Variants in TMEM253 observed in about 807,000 individuals in gnomAD.
TMEM253 encodes transmembrane protein C14orf176.
TMEM253 carries 22 observed loss-of-function variants against 20.3 expected under a neutral mutation model. That is an observed-to-expected ratio of 1.08 (90% CI 0.78 to 1.55). The LOEUF is 1.55. Ranked by LOEUF, TMEM253 falls within the 40% of genes most tolerant of loss-of-function variation. The pLI, the probability that TMEM253 is intolerant of heterozygous loss-of-function variation, is 0.00. For synonymous variants in TMEM253, 92 were observed against 102.6 expected (o/e 0.90, Z 0.62); for missense variants, 251 against 266.1 (o/e 0.94, Z 0.39).
At chr14:21,103,002 C>A (rs1889743550) in intron 6 of TMEM253, 137 bp from the exon 7 acceptor site, 1 of 1,443,926 alleles carries the variant, frequency 6.9e-7, no homozygotes, top group Non-Finnish European at 9.4e-7. Context: ...AGTGGGAAAG[C>A]ATTAGGAAGC....
exon 7 of TMEM253, chr14:21,103,273 G>A (rs1302806887): frequency 6.5e-7 from 1 of 1,548,898 alleles, no homozygotes; most frequent in Non-Finnish European, 8.7e-7. Flanking sequence ...ATGCTCTCCA[G>A]ACATTCCTGC....
exon 2 of TMEM253, chr14:21,101,386 C>G: frequency 1.3e-6 from 2 of 1,551,676 alleles, no homozygotes; most frequent in Non-Finnish European, 1.7e-6. Context: ...GAGACACAGC[C>G]TTCGTCTGGA....
Position 21,101,368 on chromosome 14 carries a change from G to C in TMEM253, c.25G>C (p.Glu9Gln), listed in dbSNP as rs558483700. 6.1e-5 allele frequency: 95 copies of C among 1,551,650 alleles called. 1 individual carries two copies. The African/African-American group carries it at 1.2e-3, about 19-fold the overall frequency. ...CATGGAAGATAGAGCTGGTGAGCAAGAGCAGGAGAGACACAGCCTTCGTCT... is the reference window on the plus strand; with the variant it reads ...CATGGAAGATAGAGCTGGTGAGCAACAGCAGGAGAGACACAGCCTTCGTCT... Residue 9 changes from glutamate (E) to glutamine (Q), a missense_variant, in exon 2 of 7, where the codon GAG becomes CAG. Glu to Gln is a conservative substitution (Grantham distance 29). Transcript: ENST00000556585.
exon 7 of TMEM253, chr14:21,103,395 T>C: frequency 7.4e-7 from 1 of 1,352,776 alleles, no homozygotes; most frequent in Non-Finnish European, 9.8e-7. Context: ...TCCTTCCCTG[T>C]TAGGGGAAGA....
chr14:21,101,451 G>A (rs999759584), exon 2 of TMEM253: 51 of 1,550,992 alleles, frequency 3.3e-5, no homozygotes, highest in Admixed American at 1.4e-4. Flanking sequence ...TGGTGCTAGC[G>A]GTGAGGCCAG....
upstream of TMEM253, among the ~76,000 whole-genome samples, chr14:21,100,759 G>A (rs560502690): frequency 6.6e-6 from 1 of 152,268 alleles, no homozygotes; most frequent in South Asian, 2.1e-4. Context: ...AGTAATGACA[G>A]GGGACCAATC....
At chr14:21,100,517 C>T (rs1377820014), upstream of TMEM253, among the ~76,000 whole-genome samples, 1 of 147,014 alleles carries the variant, frequency 6.8e-6, no homozygotes, top group Non-Finnish European at 1.5e-5. Flanking sequence ...CCAAGACTCA[C>T]TATTTGAGGA....
chr14:21,101,056 A>C, upstream of TMEM253: 1 of 310,870 alleles, frequency 3.2e-6, no homozygotes, highest in Non-Finnish European at 6.2e-6. Context: ...CCTTTGCCCC[A>C]CCACACCCCA....
At chr14:21,103,368 G>A in exon 7 of TMEM253, 1 of 1,448,424 alleles carries the variant, frequency 6.9e-7, no homozygotes, top group Non-Finnish European at 9.1e-7. Context: ...TTCACTCAAA[G>A]CAGGCCCTTT....
intron 6 of TMEM253, 73 bp from the exon 7 acceptor site, chr14:21,103,066 A>C: frequency 6.5e-7 from 1 of 1,549,154 alleles, no homozygotes; most frequent in Non-Finnish European, 8.7e-7. Context: ...GGGCAGGAGG[A>C]AGCAGTTGTT....
chr14:21,102,676 C>T (rs1443535625), exon 6 of TMEM253: 2 of 1,551,584 alleles, frequency 1.3e-6, no homozygotes, highest in South Asian at 2.4e-5. Context: ...GAGGCCTTCA[C>T]CCTAGGGGGA....
chr14:21,101,818 G>T, intron 2 of TMEM253, 47 bp from the exon 3 acceptor site: 1 of 1,455,882 alleles, frequency 6.9e-7, no homozygotes, highest in Non-Finnish European at 9.4e-7. Context: ...CGAGAAGGGA[G>T]GGAATCCCTG....
In TMEM253 at chr14:21,101,560, C is replaced by T. The variant is rs139486004; in HGVS notation, c.108+109C>T. 9.2e-5 allele frequency: 97 copies of T among 1,052,616 alleles called. No individual in the cohort carries two copies. In the East Asian group the frequency reaches 2.5e-3, roughly 27 times the overall value. 65.2% of individuals were successfully genotyped at this position (1,052,616 alleles called of 1,614,324 possible). On this transcript the variant is annotated intron_variant, in intron 2 of 6. Coordinates refer to ENST00000556585, the Ensembl canonical transcript of TMEM253. ...GTGAGCACCTACCATGTGCCAGAAA[C>T]TGAGCTAGGTTCTGAATGGGAGGAG...
chr14:21,101,538 A>C, intron 2 of TMEM253, 87 bp downstream of exon 2: 1 of 1,248,506 alleles, frequency 8.0e-7, no homozygotes, highest in Non-Finnish European at 1.1e-6. Flanking sequence ...ATGTTAAGTG[A>C]GCACCTACCA....
upstream of TMEM253, among the ~76,000 whole-genome samples, chr14:21,100,301 G>C (rs1486466431): frequency 6.6e-6 from 1 of 152,094 alleles, no homozygotes; most frequent in African/African-American, 2.4e-5. Context: ...AGAAGGTGTT[G>C]GCTACAGTGA....
intron 6 of TMEM253, 44 bp from the exon 7 acceptor site, chr14:21,103,095 T>C: frequency 6.4e-7 from 1 of 1,551,462 alleles, no homozygotes; most frequent in Non-Finnish European, 8.7e-7. Flanking sequence ...GGGTTTCTCC[T>C]TTCTCACCTC....
At chr14:21,102,560 G>A (rs2139353199) in intron 5 of TMEM253, 45 bp downstream of exon 5, 1 of 1,551,622 alleles carries the variant, frequency 6.4e-7, no homozygotes, top group African/African-American at 1.4e-5. Flanking sequence ...GGAGGCAAGA[G>A]GAGGTGGGAA....
At chr14:21,099,028 G>A (rs1889483737), upstream of TMEM253, 5 of 301,432 alleles carry the variant, frequency 1.7e-5, no homozygotes, top group South Asian at 1.4e-4. Context: ...CAATTCCTGC[G>A]CCTTCCTCTC....
chr14:21,102,599 G>A, intron 5 of TMEM253, 34 bp from the exon 6 acceptor site: 1 of 1,551,126 alleles, frequency 6.4e-7, no homozygotes, highest in African/African-American at 1.4e-5. Flanking sequence ...AACAGGTGCG[G>A]GGTCCCTGCA....
Sources: allele counts gnomAD v4.1 joint callset (sites outside exome capture counted in the v4.1 genomes callset), GRCh38; gene constraint gnomAD v4.1.1; transcripts MANE v1.5; gene names NCBI Gene and HGNC (gene_info 2026-07-23, HGNC 2026-07-21).